The following CAMK1D variants were observed in gnomAD, a reference collection of about 807,000 sequenced individuals.
CAMK1D encodes the protein calcium/calmodulin-dependent protein kinase type 1D.
Under a neutral mutation model 47.7 loss-of-function variants are expected in CAMK1D, and 9 were observed. The observed-to-expected ratio is 0.19, with a 90% CI of 0.11 to 0.33. The LOEUF is 0.33. CAMK1D is among the 10% of genes least tolerant of loss of function. CAMK1D has a pLI of 1.00. For missense variants in CAMK1D, 291 were observed against 488.7 expected (o/e 0.60, Z 3.81); for synonymous variants, 184 against 184.9 (o/e 0.99, Z 0.04).
chr10:12,751,091 GATAAGATAAGATAAGA>G (rs2130876241), intron 3 of CAMK1D, among the ~76,000 whole-genome samples: 1 of 98,104 alleles, frequency 1.0e-5, no homozygotes, highest in Admixed American at 1.0e-4. Context: ...GATAAGATAA[GATAAGATAAGATAAGA>G]TAAGATAAGA....
chr10:12,619,458 T>C (rs1838923684), intron 2 of CAMK1D, among the ~76,000 whole-genome samples: 1 of 152,138 alleles, frequency 6.6e-6, no homozygotes, highest in East Asian at 1.9e-4. Flanking sequence ...TGGCTAATTT[T>C]AGAATTTTTG....
intron 1 of CAMK1D, among the ~76,000 whole-genome samples, chr10:12,356,637 G>A (rs558312916): frequency 7.8e-4 from 117 of 149,774 alleles, no homozygotes; most frequent in Non-Finnish European, 1.0e-3. Flanking sequence ...CAGGAGAATC[G>A]CTTGAATGCT....
intron 10 of CAMK1D, 21 bp downstream of exon 10, chr10:12,825,711 G>A: frequency 1.9e-6 from 3 of 1,614,110 alleles, no homozygotes; most frequent in Non-Finnish European, 2.5e-6. Flanking sequence ...AGCAAAACCA[G>A]AATCCCTCAG....
intron 3 of CAMK1D, among the ~76,000 whole-genome samples, chr10:12,685,433 A>G (rs1832623553): frequency 6.6e-6 from 1 of 152,236 alleles, no homozygotes; most frequent in Non-Finnish European, 1.5e-5. Flanking sequence ...ATCTTTTACA[A>G]GGACTCAGTA....
chr10:12,470,968 TG>T (rs1833729522), intron 1 of CAMK1D, among the ~76,000 whole-genome samples: 1 of 152,208 alleles, frequency 6.6e-6, no homozygotes, highest in Non-Finnish European at 1.5e-5. Flanking sequence ...CCAGGAGCCC[TG>T]GTTGATTTGC....
chr10:12,701,970 G>T (rs541146526), intron 3 of CAMK1D, among the ~76,000 whole-genome samples: 9 of 152,220 alleles, frequency 5.9e-5, no homozygotes, highest in Non-Finnish European at 1.0e-4. Context: ...GAGTAGATCA[G>T]GTATGTGGGG....
intron 2 of CAMK1D, among the ~76,000 whole-genome samples, chr10:12,589,829 C>T (rs541541899): frequency 3.3e-5 from 5 of 152,084 alleles, no homozygotes; most frequent in African/African-American, 7.2e-5. Context: ...TTTCTGAGTC[C>T]GGGATTTTTC....
intron 4 of CAMK1D, among the ~76,000 whole-genome samples, chr10:12,765,722 G>T (rs1387812593): frequency 1.3e-5 from 2 of 152,164 alleles, no homozygotes; most frequent in Non-Finnish European, 2.9e-5. Flanking sequence ...CATTTAGTAG[G>T]TGAAAGAAAG....
chr10:12,387,434 T>A (rs1838555057), intron 1 of CAMK1D, among the ~76,000 whole-genome samples: 1 of 49,500 alleles, frequency 2.0e-5, no homozygotes, highest in East Asian at 5.4e-4. Flanking sequence ...ATTTTATATA[T>A]TATATATATT....
At chr10:12,550,088 G>A (rs1588622665) in intron 1 of CAMK1D, among the ~76,000 whole-genome samples, 1 of 152,332 alleles carries the variant, frequency 6.6e-6, no homozygotes, top group East Asian at 1.9e-4. Context: ...AGCCCAGGAG[G>A]AGAGGGGCCT....
chr10:12,746,896 T>G (rs1385164194), intron 3 of CAMK1D, among the ~76,000 whole-genome samples: 8 of 152,238 alleles, frequency 5.3e-5, no homozygotes, highest in Non-Finnish European at 1.2e-4. Flanking sequence ...ATAGATGCCT[T>G]TAGTTGGGGT....
intron 1 of CAMK1D, among the ~76,000 whole-genome samples, chr10:12,551,829 C>T (rs1836593242): frequency 6.7e-6 from 1 of 150,150 alleles, no homozygotes; most frequent in Middle Eastern, 3.4e-3. Flanking sequence ...AAACTGTTGT[C>T]CATGAAGCTG....
intron 1 of CAMK1D, among the ~76,000 whole-genome samples, chr10:12,454,182 C>T (rs971022305): frequency 1.3e-5 from 2 of 152,198 alleles, no homozygotes; most frequent in South Asian, 2.1e-4. Flanking sequence ...TTTGTTTTCG[C>T]GATGGAGTCT....
At chr10:12,482,369 C>T (rs1024002400) in intron 1 of CAMK1D, among the ~76,000 whole-genome samples, 20 of 152,320 alleles carry the variant, frequency 1.3e-4, no homozygotes, top group Non-Finnish European at 2.8e-4. Flanking sequence ...ACCTCCAGGT[C>T]AGCGCTTGCA....
At chr10:12,523,406 G>A (rs947044989) in intron 1 of CAMK1D, among the ~76,000 whole-genome samples, 1 of 152,182 alleles carries the variant, frequency 6.6e-6, no homozygotes, top group Non-Finnish European at 1.5e-5. Flanking sequence ...CTGGGAGGTG[G>A]AGGTTGTAGC....
At chr10:12,409,365 A>C (rs1464583703) in intron 1 of CAMK1D, among the ~76,000 whole-genome samples, 1 of 152,194 alleles carries the variant, frequency 6.6e-6, no homozygotes, top group Non-Finnish European at 1.5e-5. Flanking sequence ...ACATTGTGAT[A>C]ACGGCTGTGA....
intron 1 of CAMK1D, among the ~76,000 whole-genome samples, chr10:12,471,598 A>G (rs1339454890): frequency 1.3e-5 from 2 of 152,268 alleles, no homozygotes; most frequent in Non-Finnish European, 2.9e-5. Context: ...GAATCAAGAA[A>G]GGCAGGGCTA....
chr10:12,522,895 C>G (rs1338131906), intron 1 of CAMK1D, among the ~76,000 whole-genome samples: 1 of 88,268 alleles, frequency 1.1e-5, no homozygotes, highest in Non-Finnish European at 2.3e-5. Flanking sequence ...CCCTCCCGGA[C>G]GGGGCGGCTG....
intron 3 of CAMK1D, among the ~76,000 whole-genome samples, chr10:12,752,919 A>G (rs2130882184): frequency 6.6e-6 from 1 of 152,330 alleles, no homozygotes. Flanking sequence ...CTCAAGGAAT[A>G]TCAAATGACT....
Sources: allele counts gnomAD v4.1 joint callset (sites outside exome capture counted in the v4.1 genomes callset), GRCh38; gene constraint gnomAD v4.1.1; transcripts MANE v1.5; gene names NCBI Gene and HGNC (gene_info 2026-07-23, HGNC 2026-07-21).